SUFU: variants seen among roughly 807,000 people sequenced by gnomAD.
SUFU encodes suppressor of fused homolog.
SUFU carries 7 observed loss-of-function variants against 58.9 expected under a neutral mutation model. The observed-to-expected ratio is 0.12, with a 90% confidence interval of 0.07 to 0.22. The LOEUF is 0.22. SUFU is among the 10% of genes least tolerant of loss of function. The probability of loss-of-function intolerance (pLI) is 1.00; values close to 1 mark genes in which losing one functional copy is unlikely to be tolerated. For synonymous variants in SUFU, 232 were observed against 254.8 expected (o/e 0.91, Z 0.85); for missense variants, 451 against 641.3 (o/e 0.70, Z 3.20).
intron 3 of SUFU, among the ~76,000 whole-genome samples, chr10:102,565,739 G>T (rs2063082311): frequency 6.6e-6 from 1 of 152,036 alleles, no homozygotes; most frequent in Non-Finnish European, 1.5e-5. Context: ...GTAGAGATGG[G>T]GTTTCACCTT....
chr10:102,565,692 C>A (rs1408332407), intron 3 of SUFU, among the ~76,000 whole-genome samples: 2 of 152,138 alleles, frequency 1.3e-5, no homozygotes, highest in East Asian at 3.9e-4. Flanking sequence ...CTACAGGTGC[C>A]CGCCACCACG....
At chr10:102,555,182 G>A (rs1416121244) in intron 3 of SUFU, among the ~76,000 whole-genome samples, 1 of 149,246 alleles carries the variant, frequency 6.7e-6, no homozygotes, top group Non-Finnish European at 1.5e-5. Flanking sequence ...GCAGGAGAAT[G>A]GCATGAACCC....
At chr10:102,596,399 T>A (rs909537285) in intron 6 of SUFU, among the ~76,000 whole-genome samples, 1 of 152,200 alleles carries the variant, frequency 6.6e-6, no homozygotes. Context: ...GTACAACTCT[T>A]CCTTGAAGCC....
chr10:102,575,740 T>C (rs1326749248), intron 3 of SUFU, among the ~76,000 whole-genome samples: 1 of 152,232 alleles, frequency 6.6e-6, no homozygotes, highest in Non-Finnish European at 1.5e-5. Context: ...TTTGGAGTGA[T>C]GCCACAGTAG....
Position 102,628,840 on chromosome 10 carries a change from TC to T in SUFU, c.1366-1224del, listed in dbSNP as rs1368414483. Among the ~76,000 whole-genome samples the T allele has an allele frequency of 1.3e-5, 2 of 151,894 alleles. No individual in the cohort carries two copies. The highest frequency in any genetic ancestry group is 6.6e-5 in the Admixed American group (1 of 15,240). On this transcript the variant is annotated intron_variant, in intron 11 of 11. Coordinates refer to ENST00000369902, the MANE Select transcript of SUFU (RefSeq NM_016169.4). The surrounding 1 kb of genome is among the most constrained non-coding windows in gnomAD (Gnocchi z 4.5). ...CTCTCCTTTCCACCCTGCCCTGACT[TC>T]CGGCCTAGCCAAATTAGAAAAGACA... is the stretch of plus-strand genomic sequence containing the variant.
chr10:102,539,413 T>G (rs990837894), intron 2 of SUFU, among the ~76,000 whole-genome samples: 6 of 148,414 alleles, frequency 4.0e-5, no homozygotes, highest in Non-Finnish European at 7.6e-5. Context: ...TAATTACTGT[T>G]GATGATGTCT....
At chr10:102,589,442 C>CTTTTTTTTTTTTTTTTTTTTTTTTTT in intron 3 of SUFU, among the ~76,000 whole-genome samples, 1 of 65,364 alleles carries the variant, frequency 1.5e-5, no homozygotes, top group Non-Finnish European at 2.6e-5. Context: ...TTCTTTCTTT[C>CTTTTTTTTTTTTTTTTTTTTTTTTTT]TTTTTTTTTT....
At chr10:102,531,959 C>T (rs1176737497) in intron 2 of SUFU, among the ~76,000 whole-genome samples, 1 of 146,858 alleles carries the variant, frequency 6.8e-6, no homozygotes, top group African/African-American at 2.5e-5. Context: ...CCTGTGAGAA[C>T]TTTTTTTTTT....
At chr10:102,624,270 C>T (rs764142000) in intron 10 of SUFU, among the ~76,000 whole-genome samples, 17 of 152,194 alleles carry the variant, frequency 1.1e-4, no homozygotes, top group Admixed American at 2.0e-4. Flanking sequence ...GTCTGTTACT[C>T]GGGAGAGCTC....
rs763761235 is a variant in SUFU, at chr10:102,627,159, C to T, written c.1297-16C>T. ...ATTTAAAAATAATAATAAAAGCCTG[C>T]CTTGTGCCTTCACAGATTCTGTTGA... is the stretch of plus-strand genomic sequence containing the variant. On this transcript the variant is annotated splice_polypyrimidine_tract_variant and intron_variant, in intron 10 of 11. Transcript: ENST00000369902. 15 of 1,613,900 alleles carry T rather than the reference C, an allele frequency of 9.3e-6. No individual in the cohort carries two copies. The highest frequency in any genetic ancestry group is 6.7e-5 in the East Asian group (3 of 44,886).
Position 102,617,193 on chromosome 10 carries a change from C to T in SUFU, c.1158-97C>T. The T allele has an allele frequency of 6.4e-7, 1 of 1,565,976 alleles. No homozygotes were observed. Among genetic ancestry groups the T allele is most frequent in the Non-Finnish European group, 8.8e-7 (1 of 1,140,520 alleles). ...GAGGGCATGTTACCTGGCCCGCGGA[C>T]CATAGTCCCCACTGTCCCAGAGCCT... On this transcript the variant is annotated intron_variant, in intron 9 of 11. Transcript: ENST00000369902. This position sits in a 1 kb window ranked among gnomAD's most constrained non-coding sequence, Gnocchi z 4.4.
At chr10:102,538,047 A>G (rs1388480946) in intron 2 of SUFU, among the ~76,000 whole-genome samples, 2 of 152,194 alleles carry the variant, frequency 1.3e-5, no homozygotes, top group Non-Finnish European at 2.9e-5. Context: ...TTTCATGACC[A>G]TTGTGAAAGG....
At chr10:102,594,613 T>C (rs1483204169) in intron 6 of SUFU, among the ~76,000 whole-genome samples, 1 of 152,230 alleles carries the variant, frequency 6.6e-6, no homozygotes, top group Non-Finnish European at 1.5e-5. Context: ...GGCTGGCAGC[T>C]GCCCACTCCC....
At chr10:102,595,597 T>TCTC (rs78763096) in intron 6 of SUFU, among the ~76,000 whole-genome samples, 151,967 of 152,224 alleles carry the variant, frequency 1, 75,856 homozygotes, top group East Asian at 1. Flanking sequence ...CAAGGGCTGT[T>TCTC]CTTCCTAGTC....
At chr10:102,623,412 T>G (rs943589306) in intron 10 of SUFU, among the ~76,000 whole-genome samples, 4 of 152,250 alleles carry the variant, frequency 2.6e-5, no homozygotes, top group Admixed American at 6.5e-5. Flanking sequence ...TCTGTGACTC[T>G]CAGGCTTCTA....
At chr10:102,599,831 G>A (rs1307064081) in intron 8 of SUFU, among the ~76,000 whole-genome samples, 1 of 152,184 alleles carries the variant, frequency 6.6e-6, no homozygotes, top group African/African-American at 2.4e-5. Context: ...CTGACTTGGG[G>A]CCTCCCAGCC....
At chr10:102,624,618 T>A (rs1254268782) in intron 10 of SUFU, among the ~76,000 whole-genome samples, 2 of 152,172 alleles carry the variant, frequency 1.3e-5, no homozygotes, top group Non-Finnish European at 2.9e-5. Flanking sequence ...TCATTTTTGA[T>A]CTGGCCATCC....
chr10:102,542,309 T>C (rs1344403535), intron 2 of SUFU, among the ~76,000 whole-genome samples: 3 of 151,866 alleles, frequency 2.0e-5, no homozygotes, highest in Non-Finnish European at 4.4e-5. Flanking sequence ...GTTTTTGTAT[T>C]TTTAGTAGAG....
At chr10:102,585,183 G>GT (rs1350573338) in intron 3 of SUFU, among the ~76,000 whole-genome samples, 2 of 152,088 alleles carry the variant, frequency 1.3e-5, no homozygotes, top group Non-Finnish European at 2.9e-5. Flanking sequence ...GTAATCCACA[G>GT]TTGTGAAACC....
Sources: gnomAD v4.1 joint callset for allele counts (sites outside exome capture counted in the v4.1 genomes callset) on GRCh38, gnomAD v4.1.1 for gene constraint, Gnocchi (gnomAD v3.1) non-coding constraint, MANE v1.5 for transcripts, NCBI Gene and HGNC (gene_info 2026-07-23, HGNC 2026-07-21) for gene names.